The following TRIO variants were observed in gnomAD, a reference collection of about 807,000 sequenced individuals.
The protein encoded by TRIO is triple functional domain protein.
TRIO carries 58 observed loss-of-function variants against 351.9 expected under a neutral mutation model. The observed-to-expected ratio is 0.16, with a 90% CI of 0.13 to 0.21. The LOEUF is 0.21. TRIO is among the 10% of genes least tolerant of loss of function. The pLI, the probability that TRIO is intolerant of heterozygous loss-of-function variation, is 1.00. For synonymous variants in TRIO, 1,758 were observed against 1,595.7 expected (o/e 1.10, Z -2.42); for missense variants, 3,201 against 4,027.8 (o/e 0.79, Z 5.56).
chr5:14,429,600 G>A (rs747050052), intron 34 of TRIO, among the ~76,000 whole-genome samples: 37 of 152,208 alleles, frequency 2.4e-4, no homozygotes, highest in Non-Finnish European at 3.4e-4. Flanking sequence ...TTACATACAC[G>A]TTCACACACC....
chr5:14,484,632 G>C (rs990440193), intron 46 of TRIO, among the ~76,000 whole-genome samples: 2 of 152,156 alleles, frequency 1.3e-5, no homozygotes, highest in Non-Finnish European at 2.9e-5. Context: ...TAACATAAAT[G>C]TTCCATCTTT....
chr5:14,173,897 G>C (rs1418870762), intron 1 of TRIO, among the ~76,000 whole-genome samples: 1 of 152,226 alleles, frequency 6.6e-6, no homozygotes, highest in African/African-American at 2.4e-5. Context: ...TATAAATGTA[G>C]AGCCACATGC....
chr5:14,359,388 C>G lies in TRIO; in HGVS notation c.2248C>G (p.His750Asp), dbSNP rs1298397950. ...DSAISSNKTP[H>D]NSSINHIETV... ...TGCCATCTCCAGTAACAAGACCCCC[C>G]ACAACAGCTCCATCAACCACATTGA... Residue 750 changes from histidine (H) to aspartate (D), a missense_variant, in exon 13 of 57, where the codon CAC (histidine) becomes GAC (aspartate). This residue lies in a region of TRIO where 363 missense variants were observed against 553.5 expected (regional missense o/e 0.66). Coordinates refer to ENST00000344204, the MANE Select transcript of TRIO (RefSeq NM_007118.4). 1.2e-6 allele frequency: 2 copies of G among 1,614,056 alleles called. No homozygotes were observed. Among genetic ancestry groups the G allele is most frequent in the South Asian group, 1.1e-5 (1 of 91,090 alleles).
intron 52 of TRIO, 82 bp downstream of exon 52, chr5:14,498,333 G>A: frequency 6.4e-6 from 10 of 1,562,282 alleles, no homozygotes; most frequent in Middle Eastern, 1.9e-4. Flanking sequence ...CCTCCTTCAC[G>A]GATGGATTTC....
chr5:14,298,712 T>A (rs1448960565), intron 7 of TRIO, among the ~76,000 whole-genome samples: 1 of 152,198 alleles, frequency 6.6e-6, no homozygotes, highest in Non-Finnish European at 1.5e-5. Context: ...AGCTGAGTGA[T>A]TTATAAAGAG....
chr5:14,507,291 G>A (rs910762924), intron 56 of TRIO, 31 bp downstream of exon 56: 3 of 1,609,062 alleles, frequency 1.9e-6, no homozygotes, highest in African/African-American at 2.7e-5. Context: ...GTGAAGGGGG[G>A]TCTGAGCACA....
At chr5:14,481,086 G>C (rs1352741799) in intron 43 of TRIO, 148 bp from the exon 44 acceptor site, 1 of 772,674 alleles carries the variant, frequency 1.3e-6, no homozygotes, top group Non-Finnish European at 2.1e-6. Flanking sequence ...AGCTACTCAG[G>C]AGGCCAAAGC....
chr5:14,377,157 T>G (rs1020321013), intron 19 of TRIO, among the ~76,000 whole-genome samples: 2 of 117,924 alleles, frequency 1.7e-5, no homozygotes, highest in Admixed American at 1.6e-4. Flanking sequence ...ATGAGGTTTG[T>G]TTTTTTTTTT....
chr5:14,179,744 G>T (rs1789637046), intron 1 of TRIO, among the ~76,000 whole-genome samples: 1 of 152,096 alleles, frequency 6.6e-6, no homozygotes, highest in Admixed American at 6.6e-5. Flanking sequence ...CCTCAATCTG[G>T]AATTTTACAC....
rs1392564980 is a variant in TRIO, at chr5:14,481,563, T to C, written c.6410T>C (p.Ile2137Thr). The C allele has an allele frequency of 9.9e-6, 16 of 1,614,158 alleles. No homozygotes were observed. Among genetic ancestry groups the C allele is most frequent in the Non-Finnish European group, 1.4e-5 (16 of 1,180,018 alleles). Reference sequence around the variant, plus strand: ...CAGAGAGCTGTGGAAGTCATGTGCATAGTACCCAGGCGGTGCAACGACATG... The same window carrying C: ...CAGAGAGCTGTGGAAGTCATGTGCACAGTACCCAGGCGGTGCAACGACATG... Reference protein sequence around the residue: ...ELERAVEVMCIVPRRCNDMMN... With the variant: ...ELERAVEVMCTVPRRCNDMMN... Residue 2137 changes from isoleucine (I) to threonine (T), a missense_variant, in exon 45 of 57, where the codon ATA (isoleucine) becomes ACA (threonine). Physicochemically the swap from Ile to Thr is moderately conservative, Grantham distance 89. This residue lies in a region of TRIO where 307 missense variants were observed against 396.5 expected (regional missense o/e 0.77). Transcript: ENST00000344204.
chr5:14,329,456 T>C (rs1449000135), intron 9 of TRIO, among the ~76,000 whole-genome samples: 2 of 152,202 alleles, frequency 1.3e-5, no homozygotes, highest in Non-Finnish European at 2.9e-5. Context: ...TGAGGACACA[T>C]AGAAGGCACC....
intron 1 of TRIO, among the ~76,000 whole-genome samples, chr5:14,225,788 T>TCC (rs1472666432): frequency 0.072 from 3,252 of 45,476 alleles, 49 homozygotes; most frequent in Non-Finnish European, 0.088. Context: ...TATTCACTGC[T>TCC]CCCACCCCCC....
intron 1 of TRIO, among the ~76,000 whole-genome samples, chr5:14,191,536 A>T (rs1175569554): frequency 1.1e-4 from 2 of 17,418 alleles, no homozygotes; most frequent in East Asian, 0.1. Context: ...TGTTTCTTTA[A>T]AAAAAAAAAA....
chr5:14,494,252 T>G lies in TRIO; in HGVS notation c.7880+1438T>G, dbSNP rs183555908. Reference sequence around the variant, plus strand: ...CTGCACTGAGTATTATTTTACTGAATTTGATGGCAGTTTTTACAACTCTTC... The same window carrying G: ...CTGCACTGAGTATTATTTTACTGAAGTTGATGGCAGTTTTTACAACTCTTC... On this transcript the variant is annotated intron_variant, in intron 49 of 56. Transcript: ENST00000344204. Among the ~76,000 whole-genome samples, 253 of 152,320 alleles carry G rather than the reference T, an allele frequency of 1.7e-3. 2 individuals carry two copies. The highest frequency in any genetic ancestry group is 5.4e-3 in the African/African-American group (224 of 41,576).
Position 14,508,293 on chromosome 5 carries a change from C to T in TRIO, c.9165C>T (p.Gly3055=), listed in dbSNP as rs750013226. 20 of 1,613,804 alleles carry T rather than the reference C, an allele frequency of 1.2e-5. No individual in the cohort carries two copies. Among genetic ancestry groups the T allele is most frequent in the Non-Finnish European group, 1.7e-5 (20 of 1,180,068 alleles). ...LQEQWLQAGN[G]RSTGVLDTSR... is the part of the protein sequence containing the mutation. Reference sequence around the variant, plus strand: ...AGCAGTGGCTGCAGGCCGGCAACGGCAGAAGCACGGGCGTCCTCGACACGT... The same window carrying T: ...AGCAGTGGCTGCAGGCCGGCAACGGTAGAAGCACGGGCGTCCTCGACACGT... The change falls in exon 57 of 57, where the codon GGC becomes GGT. Residue 3055 remains glycine, a synonymous_variant. Transcript: ENST00000344204.
intron 1 of TRIO, among the ~76,000 whole-genome samples, chr5:14,152,603 C>T (rs772277083): frequency 1.9e-4 from 29 of 152,208 alleles, no homozygotes; most frequent in Admixed American, 5.9e-4. Context: ...AACTCCTGAC[C>T]TCGTGATCCA....
chr5:14,371,615 T>TA (rs920174753), intron 18 of TRIO, among the ~76,000 whole-genome samples: 1 of 151,906 alleles, frequency 6.6e-6, no homozygotes, highest in African/African-American at 2.4e-5. Context: ...CCAGCATTGT[T>TA]AAAATTTTTT....
intron 1 of TRIO, among the ~76,000 whole-genome samples, chr5:14,197,244 C>T (rs74899484): frequency 5.1e-4 from 77 of 152,270 alleles, no homozygotes; most frequent in African/African-American, 1.8e-3. Context: ...CTCTGAGCAC[C>T]AGATACTGAT....
intron 5 of TRIO, among the ~76,000 whole-genome samples, chr5:14,291,720 C>T (rs1736921158): frequency 7.1e-6 from 1 of 140,468 alleles, no homozygotes; most frequent in Non-Finnish European, 1.5e-5. Flanking sequence ...ACCCATGAGG[C>T]AGAGGTTGCA....
Sources: gnomAD v4.1 joint callset for allele counts (sites outside exome capture counted in the v4.1 genomes callset) on GRCh38, gnomAD v4.1.1 for gene constraint, gnomAD v4.1.1 regional missense constraint, MANE v1.5 for transcripts, NCBI Gene and HGNC (gene_info 2026-07-23, HGNC 2026-07-21) for gene names.